The following RPS6KA5 variants were observed in gnomAD, a reference collection of about 807,000 sequenced individuals.
RPS6KA5 encodes ribosomal protein S6 kinase alpha-5.
A neutral mutation model predicts 85.5 loss-of-function variants in RPS6KA5; 27 were observed. That is an observed-to-expected ratio of 0.32 (90% CI 0.23 to 0.44). RPS6KA5 has a LOEUF of 0.44. Among genes scored for constraint, RPS6KA5 ranks in the 20% least tolerant of loss-of-function variants. The probability of loss-of-function intolerance (pLI) is 1.00; values close to 1 mark genes in which losing one functional copy is unlikely to be tolerated. For missense variants in RPS6KA5, 811 were observed against 980.9 expected (o/e 0.83, Z 2.31); for synonymous variants, 334 against 348.2 (o/e 0.96, Z 0.46).
Position 90,932,570 on chromosome 14 carries a change from C to T in RPS6KA5, c.619-9374G>A, listed in dbSNP as rs552058648. ...TATCATCTCCTTTCTCCTAAAACCT[C>T]GATGTGTCCACTCCCTTCCTCATAC... On this transcript the variant is annotated intron_variant, in intron 5 of 16. Coordinates refer to ENST00000614987, the MANE Select transcript of RPS6KA5 (RefSeq NM_004755.4). Among the ~76,000 whole-genome samples the T allele has an allele frequency of 7.1e-4, 108 of 152,264 alleles. 1 individual carries two copies. Among genetic ancestry groups the T allele is most frequent in the Admixed American group, 3.7e-3 (57 of 15,286 alleles).
chr14:90,879,822 G>A (rs1259106503), intron 14 of RPS6KA5, among the ~76,000 whole-genome samples: 2 of 134,236 alleles, frequency 1.5e-5, no homozygotes, highest in African/African-American at 5.8e-5. Flanking sequence ...TCGCTCTGTC[G>A]CCCAGGCTAG....
At chr14:90,960,318 G>A (rs956232906) in intron 3 of RPS6KA5, among the ~76,000 whole-genome samples, 4 of 152,100 alleles carry the variant, frequency 2.6e-5, no homozygotes, top group African/African-American at 7.2e-5. Flanking sequence ...GCCAGGCAGC[G>A]AAACAACAAA....
chr14:90,960,170 A>G (rs1821684906), intron 3 of RPS6KA5, among the ~76,000 whole-genome samples: 1 of 152,094 alleles, frequency 6.6e-6, no homozygotes, highest in African/African-American at 2.4e-5. Flanking sequence ...AGGGATTTTC[A>G]TTTCAACAAG....
chr14:90,925,955 A>G (rs990278628), intron 5 of RPS6KA5, among the ~76,000 whole-genome samples: 2 of 151,286 alleles, frequency 1.3e-5, no homozygotes, highest in Non-Finnish European at 3.0e-5. Flanking sequence ...AAAAAAAAAA[A>G]AAAAAAAGAA....
At chr14:90,903,251 A>C (rs2035286583) in intron 8 of RPS6KA5, among the ~76,000 whole-genome samples, 1 of 138,124 alleles carries the variant, frequency 7.2e-6, no homozygotes, top group African/African-American at 2.5e-5. Flanking sequence ...AGACAACAGA[A>C]GAATACTTTT....
chr14:90,941,486 T>C (rs2037569390), intron 5 of RPS6KA5, among the ~76,000 whole-genome samples: 1 of 152,182 alleles, frequency 6.6e-6, no homozygotes, highest in Admixed American at 6.5e-5. Flanking sequence ...TACCTGTCAT[T>C]TTCTGTATGG....
Position 90,865,017 on chromosome 14 carries a change from A to AAT in RPS6KA5, c.*7055_*7056dup, listed in dbSNP as rs1337486665. ...CATTTGGTAATATCTTCTACAGCTA[A>AAT]ATATATATTCATCTTATGACTCAGT... On this transcript the variant is annotated 3_prime_UTR_variant, in exon 17 of 17. Transcript: ENST00000614987. The AAT allele has an allele frequency of 2.0e-5, 3 of 152,172 alleles. No individual in the cohort carries two copies. Among genetic ancestry groups the AAT allele is most frequent in the Non-Finnish European group, 4.4e-5 (3 of 68,028 alleles). 9.4% of individuals were successfully genotyped at this position (152,172 alleles called of 1,614,324 possible). A position where few individuals can be genotyped will look rare whatever the true frequency, so the allele number is the denominator to read the frequency against.
At chr14:90,986,084 T>C (rs1198760261) in intron 2 of RPS6KA5, among the ~76,000 whole-genome samples, 2 of 152,238 alleles carry the variant, frequency 1.3e-5, no homozygotes, top group African/African-American at 4.8e-5. Flanking sequence ...TATTTTTAGA[T>C]GATGGATTCA....
At chr14:90,876,868 G>T (rs2033514200) in intron 14 of RPS6KA5, among the ~76,000 whole-genome samples, 1 of 152,154 alleles carries the variant, frequency 6.6e-6, no homozygotes. Context: ...GAAACAATAT[G>T]CCATCTTTCT....
At position 90,863,409 on chromosome 14, in the gene RPS6KA5, G is replaced by A. The variant is rs1024321663; in HGVS notation, c.*8665C>T. On this transcript the variant is annotated 3_prime_UTR_variant, in exon 17 of 17. Transcript: ENST00000614987. ...ATTCTGAGTTGAAGAAGTTTAAGGA[G>A]TCCATTGTCATTACTTCATTTAGCA... 1.3e-5 allele frequency: 2 copies of A among 149,146 alleles called. No homozygotes were observed. Among genetic ancestry groups the A allele is most frequent in the Admixed American group, 6.7e-5 (1 of 14,992 alleles). 9.2% of individuals were successfully genotyped at this position (149,146 alleles called of 1,614,324 possible). A position where few individuals can be genotyped will look rare whatever the true frequency, so the allele number is the denominator to read the frequency against.
chr14:91,027,811 C>T (rs928621340), intron 1 of RPS6KA5, among the ~76,000 whole-genome samples: 1 of 152,060 alleles, frequency 6.6e-6, no homozygotes, highest in Non-Finnish European at 1.5e-5. Flanking sequence ...ATACACCAGC[C>T]CTGAAGTCTT....
intron 14 of RPS6KA5, among the ~76,000 whole-genome samples, chr14:90,889,925 AG>A (rs1595135918): frequency 6.6e-6 from 1 of 152,336 alleles, no homozygotes; most frequent in East Asian, 1.9e-4. Context: ...AATTATATGC[AG>A]AAAAAGTAAT....
intron 1 of RPS6KA5, among the ~76,000 whole-genome samples, chr14:91,047,788 A>G (rs1300402462): frequency 1.3e-5 from 2 of 152,202 alleles, no homozygotes; most frequent in African/African-American, 4.8e-5. Flanking sequence ...CCTTTTGGAT[A>G]TTCTAGGTGA....
At chr14:91,031,016 A>G (rs1001326386) in intron 1 of RPS6KA5, among the ~76,000 whole-genome samples, 1 of 152,182 alleles carries the variant, frequency 6.6e-6, no homozygotes, top group African/African-American at 2.4e-5. Context: ...GAACTAAAGG[A>G]GTTTTAATGG....
chr14:91,025,598 T>C (rs994756399), intron 1 of RPS6KA5, among the ~76,000 whole-genome samples: 4 of 152,090 alleles, frequency 2.6e-5, no homozygotes, highest in African/African-American at 9.7e-5. Context: ...GTGACTGACA[T>C]TATCCTCCAG....
Position 90,870,240 on chromosome 14 carries a change from T to C in RPS6KA5, c.*1834A>G, listed in dbSNP as rs527826785. 1 of 152,316 alleles carries C rather than the reference T, an allele frequency of 6.6e-6. No individual in the cohort carries two copies. Among genetic ancestry groups the C allele is most frequent in the Non-Finnish European group, 1.5e-5 (1 of 68,016 alleles). The allele number at this position is 152,316 out of a possible 1,614,324, so 9.4% of individuals were successfully genotyped here. A position where few individuals can be genotyped will look rare whatever the true frequency, so the allele number is the denominator to read the frequency against. ...ATTATAAATATGGTCATTTTCTTGA[T>C]TACTAGAGATCTGTGCCTGATGGAA... On this transcript the variant is annotated 3_prime_UTR_variant, in exon 17 of 17. Transcript: ENST00000614987.
In RPS6KA5 at chr14:90,869,246, C is replaced by CT. The variant is rs1183155126; in HGVS notation, c.*2827dup. On this transcript the variant is annotated 3_prime_UTR_variant, in exon 17 of 17. Coordinates refer to ENST00000614987, the MANE Select transcript of RPS6KA5 (RefSeq NM_004755.4). ...CTCACTATGTTGCCCAGGTTGGTCT[C>CT]TAACTCCTGGTTTCAAGTGATTCTC... is the stretch of plus-strand genomic sequence containing the variant. 6.6e-6 allele frequency: 1 copy of CT among 152,126 alleles called. No individual in the cohort carries two copies. The highest frequency in any genetic ancestry group is 6.5e-5 in the Admixed American group (1 of 15,268). The allele number at this position is 152,126 out of a possible 1,614,324, so 9.4% of individuals were successfully genotyped here. A position where few individuals can be genotyped will look rare whatever the true frequency, so the allele number is the denominator to read the frequency against.
intron 1 of RPS6KA5, among the ~76,000 whole-genome samples, chr14:91,052,698 T>C (rs1595566064): frequency 6.7e-6 from 1 of 150,114 alleles, no homozygotes; most frequent in African/African-American, 2.4e-5. Context: ...CTGGGCGTGG[T>C]GGCAGGTGCC....
chr14:90,956,459 C>T (rs2038514849), intron 3 of RPS6KA5, among the ~76,000 whole-genome samples: 1 of 151,966 alleles, frequency 6.6e-6, no homozygotes, highest in South Asian at 2.1e-4. Context: ...TGAGATCTCC[C>T]CCAGTCTGAC....
Sources: gnomAD v4.1 joint callset for allele counts (sites outside exome capture counted in the v4.1 genomes callset) on GRCh38, gnomAD v4.1.1 for gene constraint, MANE v1.5 for transcripts, NCBI Gene and HGNC (gene_info 2026-07-23, HGNC 2026-07-21) for gene names.